The following MARCHF1 variants were observed in gnomAD, a reference collection of about 807,000 sequenced individuals.
MARCHF1 encodes the protein E3 ubiquitin-protein ligase MARCHF1.
Under a neutral mutation model 54.2 loss-of-function variants are expected in MARCHF1, and 40 were observed. That is an observed-to-expected ratio of 0.74 (90% confidence interval 0.57 to 0.96). The LOEUF (loss-of-function observed/expected upper bound fraction) is 0.96, where lower values mean the gene tolerates loss of function less well. Among genes scored for constraint, MARCHF1 ranks in the 40% least tolerant of loss-of-function variants. The probability of loss-of-function intolerance (pLI) is 0.00; values close to 1 mark genes in which losing one functional copy is unlikely to be tolerated. For missense variants in MARCHF1, 586 were observed against 656.5 expected (o/e 0.89, Z 1.17); for synonymous variants, 236 against 236.3 (o/e 1.00, Z 0.01).
chr4:164,179,396 T>A (rs980852053), intron 1 of MARCHF1, among the ~76,000 whole-genome samples: 1 of 142,752 alleles, frequency 7.0e-6, no homozygotes, highest in Non-Finnish European at 1.5e-5. Context: ...TATGACAAAG[T>A]ATGTAATACT....
intron 1 of MARCHF1, among the ~76,000 whole-genome samples, chr4:164,312,322 T>TTC (rs1734874975): frequency 7.3e-6 from 1 of 136,126 alleles, no homozygotes; most frequent in African/African-American, 2.8e-5. Flanking sequence ...TCTTTTTCTT[T>TTC]TTTTTTTTTT....
intron 4 of MARCHF1, among the ~76,000 whole-genome samples, chr4:163,812,868 A>G (rs1360944478): frequency 6.6e-6 from 1 of 152,242 alleles, no homozygotes; most frequent in East Asian, 1.9e-4. Context: ...AAGTAATATG[A>G]TAATTAACTA....
rs914613953 is a variant in MARCHF1, at chr4:164,169,514, A to G, written c.-322-57852T>C. The stretch of plus-strand genomic sequence containing the variant: ...TCAAAATGCTGAGGGTTTTCAAAAG[A>G]CAGACCATAGATTACCAAGAAAATA... On this transcript the variant is annotated intron_variant, in intron 1 of 9. Transcript: ENST00000514618. 7.9e-5 allele frequency among the ~76,000 whole-genome samples: 12 copies of G among 152,250 alleles called. No homozygotes were observed. The South Asian group carries it at 8.3e-4, about 11-fold the overall frequency.
Position 163,631,884 on chromosome 4 carries a change from G to A in MARCHF1, c.163-18491C>T, listed in dbSNP as rs62334281. Among the ~76,000 whole-genome samples, 962 of 152,274 alleles carry A rather than the reference G, an allele frequency of 6.3e-3. 12 individuals are homozygous for A. Among genetic ancestry groups the A allele is most frequent in the South Asian group, 0.052 (253 of 4,832 alleles). ...AGGATGAAAAGCCAACCTACATACA[G>A]AGAAAATATTTACAAATCATGTTAA... is the stretch of plus-strand genomic sequence containing the variant. On this transcript the variant is annotated intron_variant, in intron 5 of 9. Transcript: ENST00000514618.
chr4:164,338,863 T>C (rs1729833913), intron 1 of MARCHF1, among the ~76,000 whole-genome samples: 2 of 151,992 alleles, frequency 1.3e-5, no homozygotes, highest in South Asian at 4.2e-4. Context: ...TCCCAGCTAC[T>C]TGGGAGGCTG....
chr4:163,677,388 A>C (rs879883693), intron 5 of MARCHF1, among the ~76,000 whole-genome samples: 2 of 152,140 alleles, frequency 1.3e-5, no homozygotes, highest in Non-Finnish European at 2.9e-5. Flanking sequence ...AGTTTTCACC[A>C]AACTGGCCTT....
chr4:164,220,035 A>G lies in MARCHF1; in HGVS notation c.-322-108373T>C, dbSNP rs141144810. ...AGGTCACTTTGTATGTATCTAAACT[A>G]GCAATCTTATTCTAACATTTTTAAA... On this transcript the variant is annotated intron_variant, in intron 1 of 9. Transcript: ENST00000514618. Among the ~76,000 whole-genome samples, 1,309 of 151,988 alleles carry G rather than the reference A, an allele frequency of 8.6e-3. 10 individuals carry two copies. The highest frequency in any genetic ancestry group is 0.041 in the Middle Eastern group (12 of 294).
Position 163,527,978 on chromosome 4 carries a change from C to CTGTT in MARCHF1, c.*766_*769dup, listed in dbSNP as rs1228419666. On this transcript the variant is annotated 3_prime_UTR_variant, in exon 10 of 10. Transcript: ENST00000514618. Reference sequence around the variant, plus strand: ...TTGCATCTGTGGCCTGCATTTGTGGCTGTTGTGTTTCTATTGGACAGCACT... The same window carrying CTGTT: ...TTGCATCTGTGGCCTGCATTTGTGGCTGTTTGTTGTGTTTCTATTGGACAGCACT... The CTGTT allele has an allele frequency of 3.3e-5, 5 of 152,426 alleles. No homozygotes were observed. Among genetic ancestry groups the CTGTT allele is most frequent in the African/African-American group, 1.2e-4 (5 of 41,400 alleles). 9.4% of individuals were successfully genotyped at this position (152,426 alleles called of 1,614,324 possible).
At chr4:164,190,162 C>G in intron 1 of MARCHF1, 2 of 1,561,246 alleles carry the variant, frequency 1.3e-6, no homozygotes, top group Non-Finnish European at 1.7e-6. Context: ...ATGGAAAAAG[C>G]TGTAGAAGAA....
At chr4:164,199,557 G>A (rs772194321) in intron 1 of MARCHF1, among the ~76,000 whole-genome samples, 21 of 151,320 alleles carry the variant, frequency 1.4e-4, no homozygotes, top group African/African-American at 4.6e-4. Context: ...GCAGGGAATC[G>A]CTTGAGAGGC....
rs996578599 is a variant in MARCHF1 at position 164,335,357 on chromosome 4, C to T, written c.-323+48513G>A. ...CAGCACTTTGGGAGGCTGAGGTGGGCGGATCATGAGGTCCAGAGATCAAGA... is the reference window on the plus strand; with the variant it reads ...CAGCACTTTGGGAGGCTGAGGTGGGTGGATCATGAGGTCCAGAGATCAAGA... On this transcript the variant is annotated intron_variant, in intron 1 of 9. Coordinates refer to ENST00000514618, the MANE Select transcript of MARCHF1 (RefSeq NM_001394959.1). 4.6e-5 allele frequency among the ~76,000 whole-genome samples: 7 copies of T among 152,152 alleles called. No homozygotes were observed. In the South Asian group the frequency reaches 1.2e-3, roughly 27 times the overall value.
chr4:164,346,789 C>G (rs1460253476), intron 1 of MARCHF1, among the ~76,000 whole-genome samples: 1 of 151,396 alleles, frequency 6.6e-6, no homozygotes, highest in Non-Finnish European at 1.5e-5. Flanking sequence ...TCAGGTAGTA[C>G]AGTTATAATT....
intron 2 of MARCHF1, among the ~76,000 whole-genome samples, chr4:164,066,203 G>A (rs1754726421): frequency 6.6e-6 from 1 of 151,924 alleles, no homozygotes; most frequent in African/African-American, 2.4e-5. Flanking sequence ...CCATTAAAAA[G>A]TGGACAAATG....
intron 3 of MARCHF1, among the ~76,000 whole-genome samples, chr4:163,945,577 C>T (rs961830314): frequency 6.6e-6 from 1 of 152,140 alleles, no homozygotes; most frequent in Non-Finnish European, 1.5e-5. Context: ...AAGGACAGAT[C>T]TTCACAGGAG....
At chr4:164,007,434 C>G (rs1753318810) in intron 2 of MARCHF1, among the ~76,000 whole-genome samples, 1 of 148,808 alleles carries the variant, frequency 6.7e-6, no homozygotes, top group Non-Finnish European at 1.5e-5. Flanking sequence ...AGCACTCAGA[C>G]AAACCCAGAA....
chr4:164,017,836 CA>C (rs35073711), intron 2 of MARCHF1, among the ~76,000 whole-genome samples: 1,462 of 138,064 alleles, frequency 0.011, 14 homozygotes, highest in African/African-American at 0.035. Context: ...CCTAAATTAG[CA>C]AAAAAAAAAA....
At chr4:163,893,893 T>C (rs1180042060) in intron 3 of MARCHF1, among the ~76,000 whole-genome samples, 1 of 152,068 alleles carries the variant, frequency 6.6e-6, no homozygotes, top group Non-Finnish European at 1.5e-5. Context: ...AAAGAAGTGC[T>C]CACAGGCAGC....
chr4:163,781,026 G>C (rs1171848000), intron 4 of MARCHF1, among the ~76,000 whole-genome samples: 1 of 152,096 alleles, frequency 6.6e-6, no homozygotes, highest in South Asian at 2.1e-4. Context: ...CTTGACTGTT[G>C]GAAGACACAA....
chr4:163,779,937 T>G (rs1261218576), intron 4 of MARCHF1, among the ~76,000 whole-genome samples: 5 of 152,154 alleles, frequency 3.3e-5, no homozygotes, highest in Admixed American at 3.3e-4. Flanking sequence ...CATAAACTAC[T>G]GTGAAAGCAG....
Sources: allele counts gnomAD v4.1 joint callset (sites outside exome capture counted in the v4.1 genomes callset), GRCh38; gene constraint gnomAD v4.1.1; transcripts MANE v1.5; gene names NCBI Gene and HGNC (gene_info 2026-07-23, HGNC 2026-07-21).